Variants in TGM3 observed in about 807,000 individuals in gnomAD.
TGM3 encodes protein-glutamine gamma-glutamyltransferase E.
Under a neutral mutation model 73.8 loss-of-function variants are expected in TGM3, and 52 were observed. The ratio of observed to expected loss-of-function variants is 0.70; its 90% CI spans 0.56 to 0.89. TGM3 has a LOEUF of 0.89. Ranked by LOEUF, TGM3 falls within the 40% of genes least tolerant of loss-of-function variation. TGM3 has a pLI of 0.00. For missense variants in TGM3, 928 were observed against 909.9 expected (o/e 1.02, Z -0.26); for synonymous variants, 372 against 354.9 (o/e 1.05, Z -0.54).
At chr20:2,311,670 G>C (rs2084204116) in intron 4 of TGM3, among the ~76,000 whole-genome samples, 1 of 152,166 alleles carries the variant, frequency 6.6e-6, no homozygotes, top group Non-Finnish European at 1.5e-5. Context: ...AAAGGCATTA[G>C]AATAAAGCAC....
At chr20:2,340,244 C>CG (rs1262662559) in intron 12 of TGM3, among the ~76,000 whole-genome samples, 190 bp from the exon 13 acceptor site, 1 of 152,188 alleles carries the variant, frequency 6.6e-6, no homozygotes, top group Non-Finnish European at 1.5e-5. Context: ...GGACCCCCCC[C>CG]TCCTGCTTCC....
chr20:2,317,142 G>T lies in TGM3; in HGVS notation c.744G>T (p.Arg248Ser), dbSNP rs2084238478. The stretch of plus-strand genomic sequence containing the variant: ...CTTACACCGGTGGCCGGGACCCAAG[G>T]AGCTGGAACGGCAGCGTGGAGATCC... ...SGTYTGGRDPRSWNGSVEILK... is the reference protein window; with the variant it reads ...SGTYTGGRDPSSWNGSVEILK... The change falls in exon 6 of 13, where the codon AGG becomes AGT. Residue 248 changes from arginine to serine, a missense_variant. Arg to Ser is a moderately radical substitution (Grantham distance 110, BLOSUM62 -1). Transcript: ENST00000381458. 2 of 1,614,066 alleles carry T rather than the reference G, an allele frequency of 1.2e-6. No homozygotes were observed. Among genetic ancestry groups the T allele is most frequent in the East Asian group, 4.5e-5 (2 of 44,882 alleles).
intron 3 of TGM3, among the ~76,000 whole-genome samples, chr20:2,310,731 A>C (rs192640967): frequency 2.6e-5 from 4 of 152,380 alleles, no homozygotes; most frequent in Admixed American, 2.6e-4. Flanking sequence ...ACAATACCAC[A>C]GTATAATTCC....
At chr20:2,308,927 T>C (rs2084188736) in intron 1 of TGM3, among the ~76,000 whole-genome samples, 1 of 151,130 alleles carries the variant, frequency 6.6e-6, no homozygotes, top group Non-Finnish European at 1.5e-5. Context: ...GCCCAGGCTG[T>C]AGTGCAATGG....
chr20:2,313,294 G>T (rs2084216643), intron 5 of TGM3, among the ~76,000 whole-genome samples: 1 of 152,202 alleles, frequency 6.6e-6, no homozygotes, highest in African/African-American at 2.4e-5. Flanking sequence ...ACATCATGAA[G>T]CCTTTCTCAG....
At chr20:2,323,627 C>T (rs904525120) in intron 7 of TGM3, among the ~76,000 whole-genome samples, 1 of 152,218 alleles carries the variant, frequency 6.6e-6, no homozygotes, top group Non-Finnish European at 1.5e-5. Flanking sequence ...ATATTCATTG[C>T]CAAATTGCTT....
At chr20:2,322,723 T>G (rs1041629872) in intron 7 of TGM3, among the ~76,000 whole-genome samples, 1 of 152,194 alleles carries the variant, frequency 6.6e-6, no homozygotes, top group Non-Finnish European at 1.5e-5. Context: ...ATCATTTCTG[T>G]CTTTTAGGGT....
intron 4 of TGM3, among the ~76,000 whole-genome samples, chr20:2,312,256 C>A (rs186964823): frequency 6.6e-6 from 1 of 151,818 alleles, no homozygotes; most frequent in African/African-American, 2.4e-5. Flanking sequence ...AAAAATTGGC[C>A]AGGTGTGGTG....
At chr20:2,305,442 G>A (rs2084171930) in intron 1 of TGM3, among the ~76,000 whole-genome samples, 1 of 152,216 alleles carries the variant, frequency 6.6e-6, no homozygotes, top group Admixed American at 6.5e-5. Context: ...CTGGGTTCAG[G>A]ATCCTGGCTC....
At chr20:2,319,411 T>C (rs891009663) in intron 7 of TGM3, among the ~76,000 whole-genome samples, 5 of 152,138 alleles carry the variant, frequency 3.3e-5, no homozygotes, top group Non-Finnish European at 5.9e-5. Flanking sequence ...GCATGGTGTG[T>C]GATGCCCAGG....
Position 2,310,624 on chromosome 20 carries a change from C to T in TGM3, c.421+207C>T, listed in dbSNP as rs551600114. On this transcript the variant is annotated intron_variant, in intron 3 of 12. Coordinates refer to ENST00000381458, the MANE Select transcript of TGM3 (RefSeq NM_003245.4). ...CTTCTATCTCTCCAAGCCCCAATGT[C>T]CTCACCATTAAATGGACATCCTGCT... Among the ~76,000 whole-genome samples, 75 of 152,330 alleles carry T rather than the reference C, an allele frequency of 4.9e-4. No individual in the cohort carries two copies. In the Middle Eastern group the frequency reaches 0.014, roughly 28 times the overall value.
chr20:2,325,246 G>C (rs1241064462), intron 7 of TGM3, among the ~76,000 whole-genome samples: 2 of 152,206 alleles, frequency 1.3e-5, no homozygotes, highest in Non-Finnish European at 2.9e-5. Context: ...TAAGACCTTG[G>C]CTACCTGGCT....
In TGM3 at chr20:2,335,108, C is replaced by T. The variant is rs1269123253; in HGVS notation, c.1643-8C>T. 2.5e-6 allele frequency: 4 copies of T among 1,614,026 alleles called. No individual in the cohort carries two copies. The highest frequency in any genetic ancestry group is 3.4e-6 in the Non-Finnish European group (4 of 1,180,000). Reference sequence around the variant, plus strand: ...CCCTCACTCGGATCCCCTGGCTTCTCCTTCCAGAGGCAGAACATCCCATAA... The same window carrying T: ...CCCTCACTCGGATCCCCTGGCTTCTTCTTCCAGAGGCAGAACATCCCATAA... On this transcript the variant is annotated splice_polypyrimidine_tract_variant and splice_region_variant and intron_variant, in intron 10 of 12. Transcript: ENST00000381458.
At position 2,334,584 on chromosome 20, in the gene TGM3, G is replaced by C. The variant is rs548983458; in HGVS notation, c.1643-532G>C. ...GGCTTCCCTTCCTACCTATTATTGT[G>C]TTACTGTCATGATTGCTACTGTTGT... On this transcript the variant is annotated intron_variant, in intron 10 of 12. Coordinates refer to ENST00000381458, the MANE Select transcript of TGM3 (RefSeq NM_003245.4). This position sits in a 1 kb window ranked among gnomAD's most constrained non-coding sequence, Gnocchi z 4.0. Among the ~76,000 whole-genome samples the C allele has an allele frequency of 6.6e-6, 1 of 152,160 alleles. No individual in the cohort carries two copies. The highest frequency in any genetic ancestry group is 2.1e-4 in the South Asian group (1 of 4,822).
At chr20:2,319,672 A>G (rs1296029320) in intron 7 of TGM3, among the ~76,000 whole-genome samples, 3 of 152,076 alleles carry the variant, frequency 2.0e-5, no homozygotes, top group African/African-American at 7.2e-5. Flanking sequence ...AGAAGCTCTG[A>G]CTGTTCCTGA....
rs557862374 is a variant in TGM3 at position 2,328,221 on chromosome 20, C to G, written c.1189C>G (p.Arg397Gly). Residue 397 changes from arginine (R) to glycine (G), a missense_variant, in exon 9 of 13, where the codon CGC (arginine) becomes GGC (glycine). By Grantham distance (125) the Arg-to-Gly change is moderately radical (BLOSUM62 -2). Transcript: ENST00000381458. This position sits in a 1 kb window ranked among gnomAD's most constrained non-coding sequence, Gnocchi z 5.2. ...PFIFAEVNAD[R>G]ITWLYDNTTG... is the part of the protein sequence containing the mutation. ...TATCTTCGCGGAGGTTAATGCCGACCGCATCACCTGGCTGTACGACAACAC... is the reference window on the plus strand; with the variant it reads ...TATCTTCGCGGAGGTTAATGCCGACGGCATCACCTGGCTGTACGACAACAC... The G allele has an allele frequency of 6.2e-6, 10 of 1,614,112 alleles. No individual in the cohort carries two copies. Among genetic ancestry groups the G allele is most frequent in the Non-Finnish European group, 8.5e-6 (10 of 1,180,032 alleles).
chr20:2,340,566 C>A lies in TGM3; in HGVS notation c.2067C>A (p.Ile689=). The A allele has an allele frequency of 6.2e-7, 1 of 1,614,148 alleles. No individual in the cohort carries two copies. The highest frequency in any genetic ancestry group is 8.5e-7 in the Non-Finnish European group (1 of 1,180,024). ...KFPAIKAMLS[I]DVAE is the part of the protein sequence containing the mutation. ...CTGCAATCAAGGCCATGTTGTCCATCGATGTAGCCGAATGAAGGGCGCTGG... is the reference window on the plus strand; with the variant it reads ...CTGCAATCAAGGCCATGTTGTCCATAGATGTAGCCGAATGAAGGGCGCTGG... Residue 689 remains isoleucine, a synonymous_variant, in exon 13 of 13, where the codon ATC becomes ATA. Coordinates refer to ENST00000381458, the MANE Select transcript of TGM3 (RefSeq NM_003245.4).
chr20:2,326,013 G>A (rs2084286127), intron 8 of TGM3, 61 bp downstream of exon 8: 3 of 1,493,414 alleles, frequency 2.0e-6, no homozygotes, highest in Non-Finnish European at 1.8e-6. Context: ...GCCATGGACA[G>A]CAGCATAGGG....
In TGM3 at chr20:2,332,116, T is replaced by G. The variant is rs2084323727; in HGVS notation, c.1448T>G (p.Ile483Ser). The G allele has an allele frequency of 6.2e-7, 1 of 1,614,076 alleles. No individual in the cohort carries two copies. The highest frequency in any genetic ancestry group is 1.3e-5 in the African/African-American group (1 of 74,918). Residue 483 changes from isoleucine to serine, a missense_variant, in exon 10 of 13, where the codon ATC (isoleucine) becomes AGC (serine). Ile to Ser is a moderately radical substitution (Grantham distance 142). Coordinates refer to ENST00000381458, the MANE Select transcript of TGM3 (RefSeq NM_003245.4). The surrounding 1 kb of genome is among the most constrained non-coding windows in gnomAD (Gnocchi z 4.4). ...GLETEEQEPS[I>S]IGKLKVAGML... is the part of the protein sequence containing the mutation. ...GAAACAGAGGAACAGGAGCCCAGCATCATCGGGAAGCTGAAGGTCGCTGGC... is the reference window on the plus strand; with the variant it reads ...GAAACAGAGGAACAGGAGCCCAGCAGCATCGGGAAGCTGAAGGTCGCTGGC...
Sources: allele counts gnomAD v4.1 joint callset (sites outside exome capture counted in the v4.1 genomes callset), GRCh38; gene constraint gnomAD v4.1.1; non-coding constraint Gnocchi (gnomAD v3.1); transcripts MANE v1.5; gene names NCBI Gene and HGNC (gene_info 2026-07-23, HGNC 2026-07-21).